CFAP47: variants seen among roughly 807,000 people sequenced by gnomAD.
The protein encoded by CFAP47 is cilia- and flagella-associated protein 47.
Under a neutral mutation model 148.1 loss-of-function variants are expected in CFAP47, and 29 were observed. The observed-to-expected ratio is 0.20, with a 90% CI of 0.15 to 0.27. The LOEUF is 0.27. Among genes scored for constraint, CFAP47 ranks in the 10% least tolerant of loss-of-function variants. CFAP47 has a pLI of 1.00. For missense variants in CFAP47, 1,872 were observed against 1,697.5 expected (o/e 1.10, Z -1.81); for synonymous variants, 664 against 577.3 (o/e 1.15, Z -2.15).
At chrX:36,362,936 G>A (rs1556019541) in intron 61 of CFAP47, among the ~76,000 whole-genome samples, 1 of 110,540 alleles carries the variant, frequency 9.0e-6, no homozygotes, top group Non-Finnish European at 1.9e-5. Flanking sequence ...TTCACATTTT[G>A]CTTCATATGT....
At chrX:36,039,291 T>C (rs67644142) in intron 25 of CFAP47, 112 bp downstream of exon 25, 11,768 of 356,184 alleles carry the variant, frequency 0.033, 1,141 homozygotes, top group African/African-American at 0.28. Context: ...GAAAGAACTA[T>C]TAAAATATTT....
intron 57 of CFAP47, among the ~76,000 whole-genome samples, chrX:36,321,407 G>A (rs1484000185): frequency 9.0e-6 from 1 of 111,026 alleles, no homozygotes; most frequent in Non-Finnish European, 1.9e-5. Flanking sequence ...AGGGGAAGAG[G>A]GCAGGTTGAT....
At chrX:36,012,116 A>G (rs1382284198) in intron 21 of CFAP47, among the ~76,000 whole-genome samples, 1 of 111,804 alleles carries the variant, frequency 8.9e-6, no homozygotes, top group African/African-American at 3.3e-5. Flanking sequence ...TTACAATGAG[A>G]TACTATCTGA....
chrX:35,945,630 T>A (rs1213482594), intron 3 of CFAP47, among the ~76,000 whole-genome samples: 4 of 111,512 alleles, frequency 3.6e-5, no homozygotes, highest in Non-Finnish European at 5.6e-5. Context: ...TTAGTAAATC[T>A]TATCTGTTCA....
At chrX:36,183,610 G>A (rs1303489140) in intron 40 of CFAP47, among the ~76,000 whole-genome samples, 1 of 111,739 alleles carries the variant, frequency 8.9e-6, no homozygotes, top group Non-Finnish European at 1.9e-5. Flanking sequence ...TGATAGACTC[G>A]TCTACTTAAA....
intron 26 of CFAP47, among the ~76,000 whole-genome samples, chrX:36,049,490 A>T (rs112886300): frequency 0.17 from 14,072 of 82,739 alleles, 947 homozygotes; most frequent in African/African-American, 0.4. Context: ...TCTCTCTCTC[A>T]CACACACACA....
chrX:36,219,712 C>A (rs1940194335), intron 45 of CFAP47, among the ~76,000 whole-genome samples: 3 of 111,186 alleles, frequency 2.7e-5, no homozygotes, highest in African/African-American at 9.9e-5. Flanking sequence ...CAGAAAAATA[C>A]AACCATTTGT....
At chrX:36,355,131 A>T (rs782317046) in intron 60 of CFAP47, among the ~76,000 whole-genome samples, 1 of 111,574 alleles carries the variant, frequency 9.0e-6, no homozygotes, top group East Asian at 2.8e-4. Flanking sequence ...AAAGTTCAAT[A>T]TCACTAATTA....
intron 10 of CFAP47, among the ~76,000 whole-genome samples, chrX:35,969,906 T>C (rs1601907785): frequency 8.9e-6 from 1 of 111,930 alleles, no homozygotes; most frequent in East Asian, 2.8e-4. Context: ...TTCATACTTA[T>C]GTTTTTTTTC....
chrX:36,278,605 C>T (rs1208083996), intron 49 of CFAP47, among the ~76,000 whole-genome samples: 4 of 112,219 alleles, frequency 3.6e-5, no homozygotes, highest in African/African-American at 1.3e-4. Flanking sequence ...CACTCACTCT[C>T]CAACCAGTCC....
intron 26 of CFAP47, among the ~76,000 whole-genome samples, chrX:36,062,440 G>C (rs1937602189): frequency 9.0e-6 from 1 of 111,493 alleles, no homozygotes; most frequent in South Asian, 3.7e-4. Flanking sequence ...TAATGATGTG[G>C]AAAGAATTAG....
intron 45 of CFAP47, 97 bp from the exon 46 acceptor site, chrX:36,228,531 A>C (rs1292847338): frequency 1.5e-5 from 7 of 469,416 alleles, no homozygotes; most frequent in South Asian, 6.3e-5. Context: ...TAGGTTATGC[A>C]GTACAATTTA....
chrX:36,166,422 A>G (rs1241356744), intron 39 of CFAP47, among the ~76,000 whole-genome samples: 1 of 111,182 alleles, frequency 9.0e-6, no homozygotes, highest in Non-Finnish European at 1.9e-5. Context: ...TGTAGCTTCC[A>G]TCTCCAAAAT....
chrX:36,251,486 C>T (rs5972034), intron 49 of CFAP47, 42 bp downstream of exon 49: 47,272 of 445,501 alleles, frequency 0.11, 5,466 homozygotes, highest in African/African-American at 0.56. Flanking sequence ...TTTCCTACTA[C>T]GCTAAGATGG....
chrX:36,380,927 T>C (rs1266803574), intron 63 of CFAP47, among the ~76,000 whole-genome samples: 1 of 112,070 alleles, frequency 8.9e-6, no homozygotes, highest in Non-Finnish European at 1.9e-5. Flanking sequence ...CTGTGTTGAT[T>C]TGACAAATTA....
chrX:36,248,080 A>G (rs1211860191), intron 48 of CFAP47, among the ~76,000 whole-genome samples: 1 of 108,863 alleles, frequency 9.2e-6, no homozygotes, highest in Non-Finnish European at 1.9e-5. Flanking sequence ...TCAATCTATC[A>G]GGAATATATA....
intron 33 of CFAP47, among the ~76,000 whole-genome samples, chrX:36,113,959 A>G (rs1166441644): frequency 2.8e-5 from 3 of 108,568 alleles, no homozygotes; most frequent in South Asian, 4.0e-4. Context: ...ATAGGCGCCC[A>G]CCACCATGCC....
intron 45 of CFAP47, among the ~76,000 whole-genome samples, chrX:36,223,404 T>G (rs187169706): frequency 2.8e-4 from 31 of 110,760 alleles, no homozygotes; most frequent in African/African-American, 1.0e-3. Flanking sequence ...TATTCATGTT[T>G]TCTTATAATA....
At chrX:36,087,270 C>T (rs1364202746) in intron 30 of CFAP47, among the ~76,000 whole-genome samples, 3 of 112,058 alleles carry the variant, frequency 2.7e-5, no homozygotes, top group African/African-American at 6.5e-5. Context: ...GAAGTTAAAA[C>T]GGTATTTATT....
Sources: allele counts gnomAD v4.1 joint callset (sites outside exome capture counted in the v4.1 genomes callset), GRCh38; gene constraint gnomAD v4.1.1; transcripts MANE v1.5; gene names NCBI Gene and HGNC (gene_info 2026-07-23, HGNC 2026-07-21).